Variants in DPP10 observed in about 807,000 individuals in gnomAD.
DPP10 encodes inactive dipeptidyl peptidase 10.
DPP10 carries 33 observed loss-of-function variants against 120.9 expected under a neutral mutation model. The observed-to-expected ratio is 0.27, with a 90% CI of 0.21 to 0.37. The LOEUF (loss-of-function observed/expected upper bound fraction) is 0.37, where lower values mean the gene tolerates loss of function less well. Among genes scored for constraint, DPP10 ranks in the 10% least tolerant of loss-of-function variants. The pLI, the probability that DPP10 is intolerant of heterozygous loss-of-function variation, is 1.00. For synonymous variants in DPP10, 337 were observed against 326.1 expected, an observed-to-expected ratio of 1.03 and a Z score of -0.36; for missense variants, 816 against 942.8, an observed-to-expected ratio of 0.87 and a Z score of 1.76.
chr2:115,091,550 G>A (rs528838663), intron 1 of DPP10, among the ~76,000 whole-genome samples: 1 of 152,028 alleles, frequency 6.6e-6, no homozygotes, highest in South Asian at 2.1e-4. Context: ...ACCCCAACAT[G>A]TGTCTATATG....
intron 1 of DPP10, among the ~76,000 whole-genome samples, chr2:114,458,764 T>C (rs940270922): frequency 1.3e-5 from 2 of 152,216 alleles, no homozygotes; most frequent in Non-Finnish European, 2.9e-5. Context: ...ATAGCCATCT[T>C]CATTATTATT....
At chr2:115,073,589 C>T (rs946435194) in intron 1 of DPP10, among the ~76,000 whole-genome samples, 3 of 152,210 alleles carry the variant, frequency 2.0e-5, no homozygotes, top group Non-Finnish European at 4.4e-5. Flanking sequence ...ATCTGGGTCA[C>T]CTTTGCTTTG....
At chr2:115,008,464 C>T (rs1325833001) in intron 1 of DPP10, among the ~76,000 whole-genome samples, 2 of 135,244 alleles carry the variant, frequency 1.5e-5, no homozygotes, top group African/African-American at 2.6e-5. Flanking sequence ...AGACCTAAAA[C>T]CATAAAAACC....
chr2:115,769,043 T>C (rs1681143004), intron 13 of DPP10, among the ~76,000 whole-genome samples: 1 of 152,030 alleles, frequency 6.6e-6, no homozygotes, highest in Non-Finnish European at 1.5e-5. Context: ...ATAAAAAAAT[T>C]AGTAAATTCA....
At chr2:115,291,205 T>C (rs1046403296) in intron 1 of DPP10, among the ~76,000 whole-genome samples, 2 of 152,052 alleles carry the variant, frequency 1.3e-5, no homozygotes, top group Non-Finnish European at 2.9e-5. Flanking sequence ...GATCTCCCTG[T>C]GTTTCCCAGG....
At chr2:115,261,505 G>A (rs1317951620) in intron 1 of DPP10, among the ~76,000 whole-genome samples, 1 of 152,168 alleles carries the variant, frequency 6.6e-6, no homozygotes, top group Non-Finnish European at 1.5e-5. Flanking sequence ...TCTGTCCCAA[G>A]ACTTTCTATA....
At chr2:115,466,933 C>T (rs1345947108) in intron 3 of DPP10, among the ~76,000 whole-genome samples, 1 of 152,044 alleles carries the variant, frequency 6.6e-6, no homozygotes, top group Non-Finnish European at 1.5e-5. Context: ...TACTCTTCTA[C>T]CATTCATTTT....
chr2:115,356,072 G>C (rs983198459), intron 3 of DPP10, among the ~76,000 whole-genome samples: 1 of 152,054 alleles, frequency 6.6e-6, no homozygotes, highest in African/African-American at 2.4e-5. Context: ...ATTTAAAGTC[G>C]TTTTTTCTTC....
At chr2:114,616,333 A>G (rs1573799793) in intron 1 of DPP10, among the ~76,000 whole-genome samples, 2 of 152,120 alleles carry the variant, frequency 1.3e-5, no homozygotes. Flanking sequence ...ATGAGGAGAC[A>G]TTGCACCAGT....
intron 5 of DPP10, among the ~76,000 whole-genome samples, chr2:115,534,680 C>T (rs188700194): frequency 0.19 from 28,186 of 150,734 alleles, 3,312 homozygotes; most frequent in East Asian, 0.39. Context: ...CCTGAGGAAT[C>T]GCCACACTGA....
At chr2:115,411,190 G>A (rs1717039) in intron 3 of DPP10, among the ~76,000 whole-genome samples, 22,516 of 151,908 alleles carry the variant, frequency 0.15, 2,495 homozygotes, top group African/African-American at 0.31. Flanking sequence ...ACATTAGCCG[G>A]GCATGGTGGC....
At chr2:115,156,059 TGACA>T (rs1003777461) in intron 1 of DPP10, among the ~76,000 whole-genome samples, 6 of 152,224 alleles carry the variant, frequency 3.9e-5, no homozygotes, top group Non-Finnish European at 5.9e-5. Flanking sequence ...TGTGACAGAT[TGACA>T]GACAGATGAA....
chr2:114,537,128 C>A (rs1017516217), intron 1 of DPP10, among the ~76,000 whole-genome samples: 4 of 152,116 alleles, frequency 2.6e-5, no homozygotes, highest in African/African-American at 9.7e-5. Context: ...TACCACATGC[C>A]TTTAGGAGGG....
At chr2:115,023,405 TA>T (rs1378467578) in intron 1 of DPP10, among the ~76,000 whole-genome samples, 5 of 152,136 alleles carry the variant, frequency 3.3e-5, no homozygotes, top group Admixed American at 6.5e-5. Flanking sequence ...TCAATATCAC[TA>T]ATCATCAGAG....
intron 16 of DPP10, 91 bp downstream of exon 16, chr2:115,781,086 T>G: frequency 9.4e-7 from 1 of 1,061,824 alleles, no homozygotes; most frequent in Non-Finnish European, 1.3e-6. Flanking sequence ...CTCTAGATGA[T>G]TTCATAATCT....
At chr2:115,440,833 T>C (rs1355183306) in intron 3 of DPP10, 4 of 142,600 alleles carry the variant, frequency 2.8e-5, no homozygotes, top group African/African-American at 1.2e-4. Context: ...CAAGGCTTTA[T>C]GTTTTCTCTC....
intron 20 of DPP10, among the ~76,000 whole-genome samples, 169 bp from the exon 21 acceptor site, chr2:115,815,503 ACTT>A (rs1321084364): frequency 6.6e-6 from 1 of 152,176 alleles, no homozygotes; most frequent in Non-Finnish European, 1.5e-5. Flanking sequence ...CTAGGCCATC[ACTT>A]TGAGTAGCAA....
At chr2:115,827,362 AAGTGGG>A (rs1688444199) in intron 21 of DPP10, among the ~76,000 whole-genome samples, 1 of 50,872 alleles carries the variant, frequency 2.0e-5, no homozygotes, top group Non-Finnish European at 4.1e-5. Context: ...CATATATATG[AAGTGGG>A]ATATATCAGA....
At chr2:114,477,933 A>ATGTGTATATATGTACATATATG (rs1680643230) in intron 1 of DPP10, among the ~76,000 whole-genome samples, 1 of 149,972 alleles carries the variant, frequency 6.7e-6, no homozygotes, top group South Asian at 2.1e-4. Context: ...ATATGTACAT[A>ATGTGTATATATGTACATATATG]TGTGTATATA....
Sources: allele counts gnomAD v4.1 joint callset (sites outside exome capture counted in the v4.1 genomes callset), GRCh38; gene constraint gnomAD v4.1.1; transcripts MANE v1.5; gene names NCBI Gene and HGNC (gene_info 2026-07-23, HGNC 2026-07-21).